Variants in MSH3 observed in about 807,000 individuals in gnomAD.
The protein encoded by MSH3 is mutS homolog 3, also known as DNA mismatch repair protein Msh3.
MSH3 carries 106 observed loss-of-function variants against 123.3 expected under a neutral mutation model. The ratio of observed to expected loss-of-function variants is 0.86; its 90% CI spans 0.73 to 1.01. The LOEUF (loss-of-function observed/expected upper bound fraction) is 1.01. MSH3 is among the 50% of genes least tolerant of loss of function. MSH3 has a pLI of 0.00. For synonymous variants in MSH3, 515 were observed against 481.4 expected (o/e 1.07, Z -0.91); for missense variants, 1,459 against 1,347.6 (o/e 1.08, Z -1.29).
intron 11 of MSH3, among the ~76,000 whole-genome samples, chr5:80,744,077 G>C (rs1340225416): frequency 1.3e-5 from 2 of 152,174 alleles, no homozygotes; most frequent in Admixed American, 6.5e-5. Flanking sequence ...TAAATACCTA[G>C]AGTGCAGTGC....
intron 8 of MSH3, among the ~76,000 whole-genome samples, chr5:80,708,675 GA>G (rs1750773711): frequency 6.6e-6 from 1 of 152,004 alleles, no homozygotes. Context: ...GTTTTGTTTT[GA>G]ATTTGACTTT....
intron 10 of MSH3, among the ~76,000 whole-genome samples, chr5:80,739,122 G>C (rs938144020): frequency 2.6e-5 from 4 of 152,190 alleles, no homozygotes; most frequent in Non-Finnish European, 5.9e-5. Flanking sequence ...TAGAGTCGAC[G>C]TCTGATTAGG....
intron 8 of MSH3, among the ~76,000 whole-genome samples, chr5:80,718,497 T>G (rs1376791850): frequency 2.0e-5 from 3 of 147,772 alleles, no homozygotes; most frequent in Admixed American, 6.7e-5. Flanking sequence ...CACCTTTGGT[T>G]TTTTTTTTTT....
At chr5:80,748,593 C>T (rs1330255404) in intron 12 of MSH3, among the ~76,000 whole-genome samples, 2 of 151,768 alleles carry the variant, frequency 1.3e-5, no homozygotes, top group Admixed American at 1.3e-4. Flanking sequence ...TGCCATTATT[C>T]TTAAGGCCTT....
chr5:80,813,228 T>C (rs759557275), intron 19 of MSH3, among the ~76,000 whole-genome samples: 1 of 152,164 alleles, frequency 6.6e-6, no homozygotes, highest in South Asian at 2.1e-4. Flanking sequence ...CAAATAGATA[T>C]GTAATACCTG....
intron 8 of MSH3, among the ~76,000 whole-genome samples, chr5:80,716,244 A>G (rs999874391): frequency 1.3e-5 from 2 of 152,114 alleles, no homozygotes; most frequent in African/African-American, 4.8e-5. Context: ...CTATCTTTCA[A>G]CTGCTTTATA....
chr5:80,843,223 T>G (rs928672512), intron 20 of MSH3, among the ~76,000 whole-genome samples: 5 of 152,228 alleles, frequency 3.3e-5, no homozygotes, highest in Non-Finnish European at 7.3e-5. Flanking sequence ...TTTGTGTATG[T>G]TGAAGCAGCC....
At chr5:80,705,749 ACCT>A (rs1750708165) in intron 8 of MSH3, among the ~76,000 whole-genome samples, 1 of 151,862 alleles carries the variant, frequency 6.6e-6, no homozygotes, top group Non-Finnish European at 1.5e-5. Flanking sequence ...GTAGACGGCC[ACCT>A]CCTTCTTACG....
At chr5:80,691,471 A>T (rs1750249290) in intron 8 of MSH3, among the ~76,000 whole-genome samples, 1 of 151,862 alleles carries the variant, frequency 6.6e-6, no homozygotes, top group Non-Finnish European at 1.5e-5. Context: ...CAACACGTTC[A>T]TGAATGGAAA....
intron 20 of MSH3, among the ~76,000 whole-genome samples, chr5:80,821,640 A>G (rs1745206658): frequency 6.6e-6 from 1 of 152,230 alleles, no homozygotes; most frequent in South Asian, 2.1e-4. Flanking sequence ...AGTAGCTGTT[A>G]GTTTATCAAC....
rs1473895337 is a variant in MSH3 at position 80,801,547 on chromosome 5, C to T, written c.2655+8703C>T. ...TTGAAGTTAGTTCTTCTTTGACATC[C>T]TCAAATCCTGGGGCAGGGGTGGTGG... On this transcript the variant is annotated intron_variant, in intron 19 of 23. Transcript: ENST00000265081. Among the ~76,000 whole-genome samples, 34 of 152,168 alleles carry T rather than the reference C, an allele frequency of 2.2e-4. 1 individual carries two copies. Among genetic ancestry groups the T allele is most frequent in the Admixed American group, 2.2e-3 (34 of 15,278 alleles).
intron 10 of MSH3, among the ~76,000 whole-genome samples, chr5:80,731,354 G>T (rs1421017333): frequency 1.3e-5 from 2 of 152,086 alleles, no homozygotes; most frequent in Non-Finnish European, 2.9e-5. Context: ...CATAATTGAT[G>T]GTGGAGGATG....
At chr5:80,716,066 C>G (rs1750954074) in intron 8 of MSH3, among the ~76,000 whole-genome samples, 1 of 152,188 alleles carries the variant, frequency 6.6e-6, no homozygotes, top group African/African-American at 2.4e-5. Context: ...GTGCAGTAGG[C>G]ACTCCATAAA....
intron 9 of MSH3, 130 bp from the exon 10 acceptor site, chr5:80,728,721 G>T: frequency 1.7e-6 from 1 of 584,190 alleles, no homozygotes; most frequent in South Asian, 2.3e-5. Flanking sequence ...TATTATTTTG[G>T]TAACCATTAA....
intron 19 of MSH3, among the ~76,000 whole-genome samples, chr5:80,809,847 A>G (rs1366505826): frequency 6.6e-6 from 1 of 152,192 alleles, no homozygotes; most frequent in Non-Finnish European, 1.5e-5. Flanking sequence ...ATGTGTTTGT[A>G]AGGAGTTATT....
intron 20 of MSH3, among the ~76,000 whole-genome samples, chr5:80,822,490 T>C (rs1745219076): frequency 6.6e-6 from 1 of 152,218 alleles, no homozygotes; most frequent in African/African-American, 2.4e-5. Flanking sequence ...TCTGTCTTCA[T>C]ATATGTGTGA....
rs1271530279 is a variant in MSH3, at chr5:80,832,732, T to TTA, written c.2813+19003_2813+19004dup. Among the ~76,000 whole-genome samples, 46 of 151,724 alleles carry TTA rather than the reference T, an allele frequency of 3.0e-4. 1 individual carries two copies. The South Asian group carries it at 4.2e-3, about 14-fold the overall frequency. On this transcript the variant is annotated intron_variant, in intron 20 of 23. Coordinates refer to ENST00000265081, the MANE Select transcript of MSH3 (RefSeq NM_002439.5). ...GCTAAAATGGTAAATTTTATTATTT[T>TTA]TATATATATATATCATAATTTTTAA... is the stretch of plus-strand genomic sequence containing the variant.
At chr5:80,786,360 T>C (rs1445064680) in intron 17 of MSH3, among the ~76,000 whole-genome samples, 1 of 152,202 alleles carries the variant, frequency 6.6e-6, no homozygotes, top group Non-Finnish European at 1.5e-5. Flanking sequence ...AAAACTTAGG[T>C]AATGAAGACC....
chr5:80,690,518 G>A (rs1406273641), intron 8 of MSH3, among the ~76,000 whole-genome samples: 1 of 152,106 alleles, frequency 6.6e-6, no homozygotes, highest in South Asian at 2.1e-4. Flanking sequence ...GGGTTTCGCT[G>A]TGTAGGTCAA....
Sources: gnomAD v4.1 joint callset for allele counts (sites outside exome capture counted in the v4.1 genomes callset) on GRCh38, gnomAD v4.1.1 for gene constraint, MANE v1.5 for transcripts, NCBI Gene and HGNC (gene_info 2026-07-23, HGNC 2026-07-21) for gene names.